Variants in FBXL7 observed in about 807,000 individuals in gnomAD.
The protein encoded by FBXL7 is F-box and leucine rich repeat protein 7, also known as F-box/LRR-repeat protein 7.
A neutral mutation model predicts 38.3 loss-of-function variants in FBXL7; 12 were observed. That is an observed-to-expected ratio of 0.31 (90% CI 0.20 to 0.51). The LOEUF (loss-of-function observed/expected upper bound fraction) is 0.51, where lower values mean the gene tolerates loss of function less well. Ranked by LOEUF, FBXL7 falls within the 20% of genes least tolerant of loss-of-function variation. FBXL7 has a pLI of 0.98. For missense variants in FBXL7, 567 were observed against 676.4 expected, an observed-to-expected ratio of 0.84 and a Z score of 1.79; for synonymous variants, 297 against 300.9, an observed-to-expected ratio of 0.99 and a Z score of 0.13.
chr5:15,907,599 A>G (rs922762765), intron 2 of FBXL7, among the ~76,000 whole-genome samples: 1 of 5,108 alleles, frequency 2.0e-4, no homozygotes, highest in African/African-American at 1.1e-3. Flanking sequence ...GCCCACGCCT[A>G]TGTCCTGAAT....
chr5:15,912,604 A>G (rs1741466648), intron 2 of FBXL7, among the ~76,000 whole-genome samples: 1 of 152,124 alleles, frequency 6.6e-6, no homozygotes, highest in Non-Finnish European at 1.5e-5. Flanking sequence ...ATTCTACTCC[A>G]CAACTGAATT....
At chr5:15,830,631 G>A (rs257739) in intron 2 of FBXL7, among the ~76,000 whole-genome samples, 1 of 151,850 alleles carries the variant, frequency 6.6e-6, no homozygotes, top group Non-Finnish European at 1.5e-5. Context: ...AACCTCAGGC[G>A]CCACCAGACT....
At chr5:15,697,491 T>C (rs913142907) in intron 2 of FBXL7, among the ~76,000 whole-genome samples, 2 of 152,000 alleles carry the variant, frequency 1.3e-5, no homozygotes, top group Non-Finnish European at 2.9e-5. Context: ...CATGATAAGA[T>C]TGAATAAGTG....
intron 2 of FBXL7, among the ~76,000 whole-genome samples, chr5:15,690,914 A>G (rs1266552450): frequency 2.0e-5 from 3 of 152,138 alleles, no homozygotes; most frequent in Non-Finnish European, 4.4e-5. Context: ...TTAGAGGAAA[A>G]TGAGTTGTTT....
intron 2 of FBXL7, among the ~76,000 whole-genome samples, chr5:15,818,741 TGTGAGAGAGA>T (rs1303919611): frequency 2.0e-3 from 86 of 43,236 alleles, no homozygotes; most frequent in East Asian, 0.011. Context: ...TGTGTGTGTG[TGTGAGAGAGA>T]GAGAGATTTA....
At chr5:15,671,930 G>C (rs1026769668) in intron 2 of FBXL7, among the ~76,000 whole-genome samples, 1 of 152,144 alleles carries the variant, frequency 6.6e-6, no homozygotes, top group African/African-American at 2.4e-5. Flanking sequence ...GGTGAGAGTG[G>C]CATCTTATTA....
chr5:15,791,325 T>G (rs1471203731), intron 2 of FBXL7, among the ~76,000 whole-genome samples: 1 of 152,172 alleles, frequency 6.6e-6, no homozygotes, highest in Non-Finnish European at 1.5e-5. Flanking sequence ...GTTTCAAACT[T>G]TCTGTTGTCT....
In FBXL7 at chr5:15,871,588, T is replaced by C. The variant is rs376771785; in HGVS notation, c.128-56302T>C. ...GAGAGGAATTGCTAACTAGAATAACTAGTTTACAGAAGAACTTAAATGACC... is the reference window on the plus strand; with the variant it reads ...GAGAGGAATTGCTAACTAGAATAACCAGTTTACAGAAGAACTTAAATGACC... On this transcript the variant is annotated intron_variant, in intron 2 of 3. Coordinates refer to ENST00000504595, the MANE Select transcript of FBXL7 (RefSeq NM_012304.5). Among the ~76,000 whole-genome samples, 18 of 152,244 alleles carry C rather than the reference T, an allele frequency of 1.2e-4. 1 individual carries two copies. Among genetic ancestry groups the C allele is most frequent in the African/African-American group, 3.4e-4 (14 of 41,554 alleles).
intron 2 of FBXL7, among the ~76,000 whole-genome samples, chr5:15,782,267 G>A (rs559776272): frequency 3.0e-4 from 45 of 152,206 alleles, no homozygotes; most frequent in African/African-American, 1.1e-3. Context: ...TTGCTATTGT[G>A]AATAGTGCTG....
chr5:15,534,858 G>A (rs1227795081), intron 1 of FBXL7, among the ~76,000 whole-genome samples: 1 of 152,176 alleles, frequency 6.6e-6, no homozygotes, highest in African/African-American at 2.4e-5. Context: ...ATTCTGATAG[G>A]TGTCTGGTTG....
intron 2 of FBXL7, among the ~76,000 whole-genome samples, chr5:15,827,549 T>C (rs1738348701): frequency 6.6e-6 from 1 of 152,178 alleles, no homozygotes; most frequent in African/African-American, 2.4e-5. Flanking sequence ...CAGTATCTGG[T>C]GAGGGCCTTC....
chr5:15,573,702 C>T (rs910091122), intron 1 of FBXL7, among the ~76,000 whole-genome samples: 4 of 152,162 alleles, frequency 2.6e-5, no homozygotes, highest in African/African-American at 7.2e-5. Context: ...GCTCGGGTCA[C>T]TTAATCAGAT....
chr5:15,851,849 C>G (rs572312902), intron 2 of FBXL7, among the ~76,000 whole-genome samples: 1 of 146,834 alleles, frequency 6.8e-6, no homozygotes, highest in African/African-American at 2.5e-5. Context: ...CACACACACA[C>G]AAAGTTCCTT....
chr5:15,501,697 C>A (rs1285075374), intron 1 of FBXL7: 4 of 985,412 alleles, frequency 4.1e-6, no homozygotes, highest in East Asian at 1.1e-4. Flanking sequence ...TCATCCTGTT[C>A]GAAACTTTGA....
intron 2 of FBXL7, among the ~76,000 whole-genome samples, chr5:15,861,403 T>C (rs1739466499): frequency 6.6e-6 from 1 of 152,208 alleles, no homozygotes. Context: ...CTCAGCCACC[T>C]ATGTGGTTGA....
chr5:15,919,225 T>C (rs1741678054), intron 2 of FBXL7, among the ~76,000 whole-genome samples: 1 of 152,198 alleles, frequency 6.6e-6, no homozygotes, highest in Non-Finnish European at 1.5e-5. Context: ...TGAAAGGCCA[T>C]TGTAATGTAA....
chr5:15,788,009 G>T (rs1184758352), intron 2 of FBXL7, among the ~76,000 whole-genome samples: 4 of 152,138 alleles, frequency 2.6e-5, no homozygotes, highest in Admixed American at 1.3e-4. Context: ...GATCTCTGCT[G>T]CTTCCTGGCT....
chr5:15,927,697 C>T (rs1741912722), intron 2 of FBXL7, among the ~76,000 whole-genome samples, 193 bp from the exon 3 acceptor site: 1 of 145,780 alleles, frequency 6.9e-6, no homozygotes, highest in Non-Finnish European at 1.5e-5. Flanking sequence ...ATCGCTTGAA[C>T]CCAGGAGGCG....
intron 1 of FBXL7, among the ~76,000 whole-genome samples, chr5:15,560,256 C>G (rs952418437): frequency 6.6e-5 from 10 of 152,156 alleles, no homozygotes; most frequent in Non-Finnish European, 1.3e-4. Flanking sequence ...GCTGATTCCT[C>G]TTGACCTTAC....
Sources: allele counts gnomAD v4.1 joint callset (sites outside exome capture counted in the v4.1 genomes callset), GRCh38; gene constraint gnomAD v4.1.1; transcripts MANE v1.5; gene names NCBI Gene and HGNC (gene_info 2026-07-23, HGNC 2026-07-21).